Variants in FBXL18 observed in about 807,000 individuals in gnomAD.
FBXL18 encodes the protein F-box/LRR-repeat protein 18.
FBXL18 carries 36 observed loss-of-function variants against 46.0 expected under a neutral mutation model. The ratio of observed to expected loss-of-function variants is 0.78; its 90% CI spans 0.60 to 1.03. The LOEUF (loss-of-function observed/expected upper bound fraction) is 1.03, where lower values mean the gene tolerates loss of function less well. Ranked by LOEUF, FBXL18 falls within the 50% of genes least tolerant of loss-of-function variation. FBXL18 has a pLI of 0.00. For missense variants in FBXL18, 977 were observed against 1,004.1 expected (o/e 0.97, Z 0.36); for synonymous variants, 557 against 465.3 (o/e 1.20, Z -2.54).
intron 4 of FBXL18, among the ~76,000 whole-genome samples, chr7:5,483,426 G>C (rs1783696722): frequency 7.4e-6 from 1 of 135,100 alleles, no homozygotes; most frequent in Non-Finnish European, 1.6e-5. Flanking sequence ...GGGCAACAGA[G>C]CGAGACTCCA....
chr7:5,495,995 C>G, intron 3 of FBXL18: 1 of 429,020 alleles, frequency 2.3e-6, no homozygotes, highest in Non-Finnish European at 5.0e-6. Context: ...CCCACAGAAC[C>G]CGCAGGCCTC....
chr7:5,497,963 A>T (rs1412325379), intron 3 of FBXL18, among the ~76,000 whole-genome samples: 1 of 151,898 alleles, frequency 6.6e-6, no homozygotes, highest in Non-Finnish European at 1.5e-5. Context: ...ACTCACAGAG[A>T]CACCAGCTCA....
At position 5,479,268 on chromosome 7, in the gene FBXL18, A is replaced by C. The variant is rs1001311896; in HGVS notation, c.*2507T>G. The C allele has an allele frequency of 6.6e-6, 1 of 152,234 alleles. No homozygotes were observed. The highest frequency in any genetic ancestry group is 2.4e-5 in the African/African-American group (1 of 41,444). The allele number at this position is 152,234 out of a possible 1,614,324, so 9.4% of individuals were successfully genotyped here. On this transcript the variant is annotated 3_prime_UTR_variant, in exon 5 of 5. Transcript: ENST00000382368. ...TGCTGGTTAAAACCGCTTGCTCATGAGAACAGGACACCCAGGCGCGATCGT... is the reference window on the plus strand; with the variant it reads ...TGCTGGTTAAAACCGCTTGCTCATGCGAACAGGACACCCAGGCGCGATCGT...
intron 3 of FBXL18, among the ~76,000 whole-genome samples, chr7:5,499,970 TAGG>T (rs1446253060): frequency 3.3e-5 from 5 of 150,806 alleles, no homozygotes; most frequent in South Asian, 4.2e-4. Context: ...TAGGCTGAGG[TAGG>T]AGGATTAATT....
chr7:5,499,036 C>T (rs1012571978), intron 3 of FBXL18, among the ~76,000 whole-genome samples: 1 of 149,702 alleles, frequency 6.7e-6, no homozygotes, highest in African/African-American at 2.5e-5. Context: ...TCTGGAAATG[C>T]CATGGGCCCT....
In FBXL18 at chr7:5,501,310, C is replaced by T; in HGVS notation, c.959G>A (p.Ser320Asn). Residue 320 changes from serine (S) to asparagine (N), a missense_variant, in exon 3 of 5, where the codon AGT becomes AAT. Coordinates refer to ENST00000382368, the MANE Select transcript of FBXL18 (RefSeq NM_024963.6). Reference protein sequence around the residue: ...HMKFNNPFYFSFSRCTLSGGH... With the variant: ...HMKFNNPFYFNFSRCTLSGGH... ...GCCTGACAGGGTACAGCGGCTGAAA[C>T]TGAAGTAGAACGGGTTGTTGAATTT... is the stretch of plus-strand genomic sequence containing the variant. The T allele has an allele frequency of 2.5e-6, 4 of 1,614,190 alleles. No homozygotes were observed. Among genetic ancestry groups the T allele is most frequent in the Non-Finnish European group, 3.4e-6 (4 of 1,180,038 alleles).
chr7:5,460,224 C>T (rs1584178967), intron 4 of FBXL18, among the ~76,000 whole-genome samples: 1 of 151,998 alleles, frequency 6.6e-6, no homozygotes, highest in South Asian at 2.1e-4. Context: ...TCAGCCTGGG[C>T]GACAGAGTGA....
rs1464319001 is a variant in FBXL18, at chr7:5,459,605, T to C, written c.2001-11762A>G. On this transcript the variant is annotated intron_variant and NMD_transcript_variant, in intron 4 of 6. Coordinates refer to the FBXL18 transcript ENST00000415009. ...AATACAAAAAATTAGCCAGGCGTGG[T>C]AGCAGGCGCCTGTAGTCCCAGCTAC... Among the ~76,000 whole-genome samples the C allele has an allele frequency of 2.0e-5, 3 of 152,004 alleles. No homozygotes were observed. In the South Asian group the frequency reaches 6.2e-4, roughly 32 times the overall value.
chr7:5,471,519 G>A (rs924951527), downstream of FBXL18, among the ~76,000 whole-genome samples: 9 of 151,754 alleles, frequency 5.9e-5, no homozygotes, highest in Admixed American at 1.3e-4. Flanking sequence ...CTCGTGATCC[G>A]CCTGCCTCGG....
At chr7:5,490,117 G>A in intron 4 of FBXL18, 1 of 1,361,908 alleles carries the variant, frequency 7.3e-7, no homozygotes, top group Non-Finnish European at 9.8e-7. Context: ...TGGCAAGCAG[G>A]GTTGTCGGCG....
rs764585752 is a variant in FBXL18 at position 5,500,943 on chromosome 7, G to A, written c.1326C>T (p.His442=). ...ADRAPAQPAM[H]AVPRGFGKKV... is the part of the protein sequence containing the mutation. ...TCTTGCCAAAGCCGCGCGGCACTGC[G>A]TGCATGGCCGGCTGGGCGGGCGCGC... Residue 442 remains histidine, a synonymous_variant, in exon 3 of 5, where the codon CAC becomes CAT. Coordinates refer to ENST00000382368, the MANE Select transcript of FBXL18 (RefSeq NM_024963.6). The A allele has an allele frequency of 1.4e-5, 22 of 1,546,230 alleles. No homozygotes were observed. The highest frequency in any genetic ancestry group is 3.4e-4 in the Middle Eastern group (2 of 5,824).
intron 4 of FBXL18, among the ~76,000 whole-genome samples, chr7:5,463,723 T>G (rs1783293932): frequency 1.4e-5 from 1 of 71,222 alleles, no homozygotes; most frequent in Non-Finnish European, 2.6e-5. Context: ...TTTATTTATT[T>G]ATTTATTTTT....
At position 5,491,576 on chromosome 7, in the gene FBXL18, T is replaced by C. The variant is rs1783928147; in HGVS notation, c.1782-127A>G. The C allele has an allele frequency of 1.9e-5, 14 of 741,306 alleles. No individual in the cohort carries two copies. In the South Asian group the frequency reaches 2.2e-4, roughly 12 times the overall value. The allele number at this position is 741,306 out of a possible 1,614,324, so 45.9% of individuals were successfully genotyped here. A position where few individuals can be genotyped will look rare whatever the true frequency, so the allele number is the denominator to read the frequency against. ...GCCCAGCCCAGCTGTTCCCGCCACC[T>C]CCCACCAATACCACTATCCCTTGGA... On this transcript the variant is annotated intron_variant, in intron 3 of 4. Coordinates refer to ENST00000382368, the MANE Select transcript of FBXL18 (RefSeq NM_024963.6).
chr7:5,465,014 G>C (rs1007967993), intron 4 of FBXL18, among the ~76,000 whole-genome samples: 2 of 152,132 alleles, frequency 1.3e-5, no homozygotes, highest in African/African-American at 4.8e-5. Context: ...AGTGAGCCGA[G>C]ACTGTGCCAT....
chr7:5,498,153 T>C (rs1391334744), intron 3 of FBXL18, among the ~76,000 whole-genome samples: 5 of 150,628 alleles, frequency 3.3e-5, no homozygotes, highest in South Asian at 2.1e-4. Context: ...AGTGGCGCGA[T>C]CTCGGCTCAC....
chr7:5,485,112 G>A (rs1426473262), intron 4 of FBXL18, among the ~76,000 whole-genome samples: 1 of 152,178 alleles, frequency 6.6e-6, no homozygotes, highest in Admixed American at 6.5e-5. Flanking sequence ...AGCAAGGAAT[G>A]AAGCAGGGGG....
chr7:5,477,267 C>T lies in FBXL18; in HGVS notation c.*4508G>A, dbSNP rs1257303293. On this transcript the variant is annotated 3_prime_UTR_variant, in exon 5 of 5. Transcript: ENST00000382368. This position sits in a 1 kb window ranked among gnomAD's most constrained non-coding sequence, Gnocchi z 4.4. ...GACCATCACAAAGACCCCCCAGCGT[C>T]GTGGTCAAGGCTACCAGGAACTGGC... Among the ~76,000 whole-genome samples, 1 of 152,186 alleles carries T rather than the reference C, an allele frequency of 6.6e-6. No individual in the cohort carries two copies. The highest frequency in any genetic ancestry group is 1.5e-5 in the Non-Finnish European group (1 of 68,046).
chr7:5,472,946 T>A (rs902928123), downstream of FBXL18, among the ~76,000 whole-genome samples: 1 of 152,090 alleles, frequency 6.6e-6, no homozygotes, highest in East Asian at 1.9e-4. Context: ...GTAATGACAG[T>A]CTCACATGTT....
At chr7:5,485,551 C>T (rs1783749780) in intron 4 of FBXL18, among the ~76,000 whole-genome samples, 1 of 152,194 alleles carries the variant, frequency 6.6e-6, no homozygotes, top group Non-Finnish European at 1.5e-5. Flanking sequence ...CAGTGGCTCA[C>T]GCCTGTAATC....
Sources: allele counts gnomAD v4.1 joint callset (sites outside exome capture counted in the v4.1 genomes callset), GRCh38; gene constraint gnomAD v4.1.1; non-coding constraint Gnocchi (gnomAD v3.1); transcripts MANE v1.5; gene names NCBI Gene and HGNC (gene_info 2026-07-23, HGNC 2026-07-21).